LYSMD2: variants seen among roughly 807,000 people sequenced by gnomAD.
LYSMD2 encodes LysM domain containing 2.
LYSMD2 carries 6 observed loss-of-function variants against 17.7 expected under a neutral mutation model. That is an observed-to-expected ratio of 0.34 (90% CI 0.19 to 0.67). The LOEUF (loss-of-function observed/expected upper bound fraction) is 0.67. Ranked by LOEUF, LYSMD2 falls within the 30% of genes least tolerant of loss-of-function variation. The probability of loss-of-function intolerance (pLI) is 0.69; values close to 1 mark genes in which losing one functional copy is unlikely to be tolerated. For missense variants in LYSMD2, 237 were observed against 286.7 expected, an observed-to-expected ratio of 0.83 and a Z score of 1.25; for synonymous variants, 102 against 129.8, an observed-to-expected ratio of 0.79 and a Z score of 1.45.
Position 51,737,263 on chromosome 15 carries a change from C to T in LYSMD2, c.273+87G>A. ...CATCCCCCAAACCCCCACCCGCAGTCCCACCCCCACCCCCACCGCACCCCG... is the reference window on the plus strand; with the variant it reads ...CATCCCCCAAACCCCCACCCGCAGTTCCACCCCCACCCCCACCGCACCCCG... On this transcript the variant is annotated intron_variant, in intron 1 of 2. Transcript: ENST00000267838. This position sits in a 1 kb window ranked among gnomAD's most constrained non-coding sequence, Gnocchi z 4.2. 4.8e-6 allele frequency: 1 copy of T among 206,262 alleles called. No individual in the cohort carries two copies. The allele number at this position is 206,262 out of a possible 1,614,324, so 12.8% of individuals were successfully genotyped here. A position where few individuals can be genotyped will look rare whatever the true frequency, so the allele number is the denominator to read the frequency against.
rs2055614779 is a variant in LYSMD2 at position 51,737,127 on chromosome 15, C to T, written c.273+223G>A. The stretch of plus-strand genomic sequence containing the variant: ...AGGGAGGGAGCCCTGGCGGTCCGCC[C>T]CTCCCGCTGCAGGACCAGCTTTGGC... On this transcript the variant is annotated intron_variant, in intron 1 of 2. Transcript: ENST00000267838. This position sits in a 1 kb window ranked among gnomAD's most constrained non-coding sequence, Gnocchi z 4.2. Among the ~76,000 whole-genome samples the T allele has an allele frequency of 1.3e-5, 2 of 152,204 alleles. No individual in the cohort carries two copies. The highest frequency in any genetic ancestry group is 2.1e-4 in the South Asian group (1 of 4,836).
upstream of LYSMD2, among the ~76,000 whole-genome samples, chr15:51,739,195 G>A (rs1307852328): frequency 6.6e-6 from 1 of 152,124 alleles, no homozygotes; most frequent in Non-Finnish European, 1.5e-5. Flanking sequence ...CTCTGGTTTA[G>A]TATTTAACTC....
chr15:51,735,841 A>T (rs2055605605), intron 1 of LYSMD2, among the ~76,000 whole-genome samples: 1 of 152,092 alleles, frequency 6.6e-6, no homozygotes, highest in African/African-American at 2.4e-5. Context: ...GGGAAATAAC[A>T]CTCTTCTGCA....
chr15:51,749,147 C>T (rs775065220), intron 1 of LYSMD2, among the ~76,000 whole-genome samples: 2 of 152,172 alleles, frequency 1.3e-5, no homozygotes, highest in African/African-American at 4.8e-5. Context: ...AAGATATGGT[C>T]CAGAAATGAT....
intron 1 of LYSMD2, among the ~76,000 whole-genome samples, chr15:51,736,367 G>T (rs540909553): frequency 4.1e-4 from 62 of 152,298 alleles, no homozygotes; most frequent in African/African-American, 1.4e-3. Flanking sequence ...GTCAATACAT[G>T]ACTGCACAGC....
chr15:51,723,711 T>C (rs2055517962), intron 2 of LYSMD2, 62 bp from the exon 3 acceptor site: 1 of 1,226,644 alleles, frequency 8.2e-7, no homozygotes, highest in Middle Eastern at 2.2e-4. Context: ...AACTAAAACA[T>C]CAACTTATTA....
chr15:51,745,697 G>T (rs1056718308), intron 1 of LYSMD2, among the ~76,000 whole-genome samples: 1 of 151,802 alleles, frequency 6.6e-6, no homozygotes, highest in African/African-American at 2.4e-5. Context: ...TTTGCAAATC[G>T]CATATCTAAT....
chr15:51,725,593 T>C (rs1262890433), intron 1 of LYSMD2, among the ~76,000 whole-genome samples: 1 of 152,178 alleles, frequency 6.6e-6, no homozygotes, highest in Non-Finnish European at 1.5e-5. Flanking sequence ...ATATCATTGA[T>C]CCTTTCTCCT....
chr15:51,737,262 T>TTC lies in LYSMD2; in HGVS notation c.273+87_273+88insGA. 2.2e-5 allele frequency: 3 copies of TTC among 134,040 alleles called. No homozygotes were observed. The highest frequency in any genetic ancestry group is 1.4e-5 in the Non-Finnish European group (1 of 70,572). 8.3% of individuals were successfully genotyped at this position (134,040 alleles called of 1,614,324 possible). A position where few individuals can be genotyped will look rare whatever the true frequency, so the allele number is the denominator to read the frequency against. On this transcript the variant is annotated intron_variant, in intron 1 of 2. Transcript: ENST00000267838. The surrounding 1 kb of genome is among the most constrained non-coding windows in gnomAD (Gnocchi z 4.2). ...CCATCCCCCAAACCCCCACCCGCAG[T>TTC]CCCACCCCCACCCCCACCGCACCCC...
chr15:51,730,709 C>T (rs551896346), intron 1 of LYSMD2, among the ~76,000 whole-genome samples: 6 of 152,174 alleles, frequency 3.9e-5, no homozygotes, highest in Non-Finnish European at 8.8e-5. Context: ...TCTTCCTCTC[C>T]ATTCCTTAAA....
At chr15:51,741,929 ATAAT>A (rs2055644818), upstream of LYSMD2, among the ~76,000 whole-genome samples, 1 of 149,658 alleles carries the variant, frequency 6.7e-6, no homozygotes, top group African/African-American at 2.4e-5. Context: ...CACAAAAATA[ATAAT>A]TAAATATATA....
chr15:51,724,996 A>C lies in LYSMD2; in HGVS notation c.399T>G (p.Ser133=). 1 of 1,614,160 alleles carries C rather than the reference A, an allele frequency of 6.2e-7. No individual in the cohort carries two copies. The highest frequency in any genetic ancestry group is 8.5e-7 in the Non-Finnish European group (1 of 1,179,996). ...LLFNGLNSID[S]PENETADNSF... is the part of the protein sequence containing the mutation. The stretch of plus-strand genomic sequence containing the variant: ...TGTTATCAGCAGTTTCATTTTCTGG[A>C]GAATCAATGGAGTTAAGTCCATTAA... The change falls in exon 2 of 3, where the codon TCT becomes TCG. Residue 133 remains serine, a synonymous_variant. Transcript: ENST00000267838.
intron 2 of LYSMD2, 147 bp downstream of exon 2, chr15:51,724,643 A>AAGAAATTAAGAAAGG: frequency 3.8e-6 from 1 of 263,270 alleles, no homozygotes; most frequent in Non-Finnish European, 6.5e-6. Flanking sequence ...ATTAAGAAAG[A>AAGAAATTAAGAAAGG]AAGAAATTAA....
At chr15:51,742,829 G>A (rs1167036331) in intron 1 of LYSMD2, among the ~76,000 whole-genome samples, 1 of 152,146 alleles carries the variant, frequency 6.6e-6, no homozygotes, top group Non-Finnish European at 1.5e-5. Context: ...AGTTGTGGTG[G>A]CACATGCCTG....
intron 1 of LYSMD2, among the ~76,000 whole-genome samples, chr15:51,730,206 C>T (rs1001428918): frequency 1.3e-5 from 2 of 152,146 alleles, no homozygotes; most frequent in African/African-American, 2.4e-5. Context: ...TTAAAAACAA[C>T]GTACTGAAAA....
chr15:51,736,779 T>C (rs1196455048), intron 1 of LYSMD2, among the ~76,000 whole-genome samples: 1 of 152,136 alleles, frequency 6.6e-6, no homozygotes, highest in East Asian at 1.9e-4. Flanking sequence ...GGCTGCTGCT[T>C]AGCGACAGGT....
chr15:51,751,416 G>T, exon 1 of LYSMD2: 2 of 699,230 alleles, frequency 2.9e-6, no homozygotes, highest in South Asian at 3.0e-5. Context: ...CGACCCAGGT[G>T]CTTCCTCCCC....
intron 1 of LYSMD2, among the ~76,000 whole-genome samples, chr15:51,735,340 G>T (rs8040986): frequency 0.4 from 60,061 of 152,016 alleles, 12,010 homozygotes; most frequent in Middle Eastern, 0.47. Flanking sequence ...ATAAACCAGT[G>T]GTCCTCAACC....
upstream of LYSMD2, among the ~76,000 whole-genome samples, chr15:51,740,273 G>GT (rs898322027): frequency 2.6e-5 from 4 of 151,758 alleles, no homozygotes; most frequent in East Asian, 1.9e-4. Context: ...CTGTTTTTTT[G>GT]TTTTTTTGTT....
Sources: allele counts gnomAD v4.1 joint callset (sites outside exome capture counted in the v4.1 genomes callset), GRCh38; gene constraint gnomAD v4.1.1; non-coding constraint Gnocchi (gnomAD v3.1); transcripts MANE v1.5; gene names NCBI Gene and HGNC (gene_info 2026-07-23, HGNC 2026-07-21).